The following TMIGD1 variants were observed in gnomAD, a reference collection of about 807,000 sequenced individuals.
TMIGD1 encodes the protein transmembrane and immunoglobulin domain containing 1, also known as transmembrane and immunoglobulin domain-containing protein 1.
TMIGD1 carries 29 observed loss-of-function variants against 27.5 expected under a neutral mutation model. That is an observed-to-expected ratio of 1.05 (90% CI 0.78 to 1.44). The LOEUF is 1.44. Ranked by LOEUF, TMIGD1 falls within the 40% of genes most tolerant of loss-of-function variation. TMIGD1 has a pLI of 0.00. For synonymous variants in TMIGD1, 109 were observed against 110.3 expected, an observed-to-expected ratio of 0.99 and a Z score of 0.07; for missense variants, 334 against 310.6, an observed-to-expected ratio of 1.08 and a Z score of -0.57.
At chr17:30,324,346 C>G (rs1909707289) in intron 4 of TMIGD1, among the ~76,000 whole-genome samples, 1 of 152,136 alleles carries the variant, frequency 6.6e-6, no homozygotes, top group African/African-American at 2.4e-5. Context: ...TTTTTGTCCC[C>G]TTATTTTTTC....
At chr17:30,318,772 A>G in intron 5 of TMIGD1, 38 bp downstream of exon 5, 2 of 1,480,550 alleles carry the variant, frequency 1.4e-6, no homozygotes, top group Non-Finnish European at 1.9e-6. Context: ...TATTCAGATG[A>G]TGGCTTTTTA....
chr17:30,324,815 C>A lies in TMIGD1; in HGVS notation c.640+1G>T, dbSNP rs1245154876. 6.2e-7 allele frequency: 1 copy of A among 1,613,660 alleles called. No homozygotes were observed. Reference sequence around the variant, plus strand: ...TGGGTATTACTTAAAAAGAGCATTACCTTTAACAATCAGGTGAAAGTCCAA... The same window carrying A: ...TGGGTATTACTTAAAAAGAGCATTAACTTTAACAATCAGGTGAAAGTCCAA... On this transcript the variant is annotated splice_donor_variant, in intron 4 of 6. Coordinates refer to ENST00000328886, the MANE Select transcript of TMIGD1 (RefSeq NM_206832.3). LOFTEE classifies it high-confidence loss of function.
At chr17:30,331,984 A>G (rs1171375410) in intron 2 of TMIGD1, 68 bp downstream of exon 2, 2 of 1,035,116 alleles carry the variant, frequency 1.9e-6, no homozygotes, top group Non-Finnish European at 3.0e-6. Context: ...TCCAATGCCC[A>G]TTGATCACTT....
chr17:30,325,808 T>C (rs1383194121), intron 3 of TMIGD1, among the ~76,000 whole-genome samples: 2 of 152,194 alleles, frequency 1.3e-5, no homozygotes, highest in Admixed American at 1.3e-4. Context: ...CCAGAAGGTG[T>C]TCTAAGCATG....
intron 2 of TMIGD1, 105 bp from the exon 3 acceptor site, chr17:30,329,634 T>C: frequency 1.2e-6 from 1 of 849,970 alleles, no homozygotes; most frequent in Non-Finnish European, 1.8e-6. Flanking sequence ...TAGAACAAAA[T>C]AAACTCTCAA....
chr17:30,317,915 GA>G (rs1442731557), intron 5 of TMIGD1, among the ~76,000 whole-genome samples: 1 of 151,612 alleles, frequency 6.6e-6, no homozygotes, highest in Non-Finnish European at 1.5e-5. Flanking sequence ...AAAAAATACA[GA>G]AATTAGCCGG....
chr17:30,332,737 T>C (rs975394659), intron 1 of TMIGD1, among the ~76,000 whole-genome samples: 1 of 152,104 alleles, frequency 6.6e-6, no homozygotes, highest in Non-Finnish European at 1.5e-5. Flanking sequence ...TAATAAATAA[T>C]AAAGGTGTCC....
chr17:30,317,073 C>T, intron 6 of TMIGD1, 120 bp downstream of exon 6: 1 of 1,198,756 alleles, frequency 8.3e-7, no homozygotes, highest in Non-Finnish European at 1.2e-6. Context: ...ACCTTCTATT[C>T]TCCTTTGAAC....
intron 1 of TMIGD1, among the ~76,000 whole-genome samples, chr17:30,332,492 G>A (rs975561787): frequency 2.0e-5 from 3 of 152,202 alleles, no homozygotes; most frequent in African/African-American, 7.2e-5. Flanking sequence ...CTCATTCTCA[G>A]ACAGTCCCTA....
intron 6 of TMIGD1, 127 bp downstream of exon 6, chr17:30,317,066 T>C (rs1909437689): frequency 1.7e-6 from 2 of 1,151,924 alleles, no homozygotes; most frequent in Non-Finnish European, 2.6e-6. Flanking sequence ...TTCCTCCACC[T>C]TCTATTCTCC....
intron 3 of TMIGD1, among the ~76,000 whole-genome samples, chr17:30,328,230 T>C (rs1490582007): frequency 6.6e-6 from 1 of 152,062 alleles, no homozygotes; most frequent in Non-Finnish European, 1.5e-5. Flanking sequence ...AGGCCAGGTT[T>C]CACCATTGTT....
At chr17:30,321,047 A>T (rs563969965) in intron 4 of TMIGD1, among the ~76,000 whole-genome samples, 1 of 152,174 alleles carries the variant, frequency 6.6e-6, no homozygotes, top group East Asian at 1.9e-4. Context: ...AGGTAGAGAC[A>T]GTGTTTCGCC....
chr17:30,331,568 A>T, intron 2 of TMIGD1, among the ~76,000 whole-genome samples: 1 of 151,298 alleles, frequency 6.6e-6, no homozygotes, highest in African/African-American at 2.4e-5. Flanking sequence ...CCTAAAAACA[A>T]TATTTTTCCA....
intron 3 of TMIGD1, among the ~76,000 whole-genome samples, chr17:30,326,198 G>A (rs898952987): frequency 2.0e-5 from 3 of 152,202 alleles, no homozygotes; most frequent in Non-Finnish European, 4.4e-5. Context: ...TGCTGGAATA[G>A]AGAACATAAT....
chr17:30,325,121 A>G, intron 3 of TMIGD1, 27 bp from the exon 4 acceptor site: 7 of 1,588,116 alleles, frequency 4.4e-6, no homozygotes, highest in African/African-American at 2.7e-5. Flanking sequence ...TTTAGATTTA[A>G]TTAGCAGATA....
At position 30,324,848 on chromosome 17, in the gene TMIGD1, G is replaced by A. The variant is rs1055711256; in HGVS notation, c.608C>T (p.Thr203Met). 1.5e-5 allele frequency: 24 copies of A among 1,614,006 alleles called. No individual in the cohort carries two copies. The highest frequency in any genetic ancestry group is 6.7e-5 in the African/African-American group (5 of 74,948). The part of the protein sequence containing the change: ...YSCIAKSSLK[T>M]ESLDFHLIVK... ...AATCAGGTGAAAGTCCAAGCTCTCC[G>A]TTTTCAGAGATGACTTTGCAATACA... The change falls in exon 4 of 7, where the codon ACG becomes ATG. Residue 203 changes from threonine (T) to methionine (M), a missense_variant. Coordinates refer to ENST00000328886, the MANE Select transcript of TMIGD1 (RefSeq NM_206832.3).
chr17:30,319,259 A>ATATATATATATAT (rs1389850047), intron 4 of TMIGD1, among the ~76,000 whole-genome samples: 1 of 52,288 alleles, frequency 1.9e-5, no homozygotes, highest in African/African-American at 1.9e-4. Context: ...GAAAAAAAAA[A>ATATATATATATAT]AAATATATAT....
intron 1 of TMIGD1, among the ~76,000 whole-genome samples, chr17:30,333,467 A>C (rs1199878914): frequency 1.3e-5 from 2 of 151,838 alleles, no homozygotes; most frequent in Admixed American, 6.6e-5. Context: ...AAATAAAAAA[A>C]TAAAAAAAAG....
At chr17:30,318,318 T>C (rs1909487239) in intron 5 of TMIGD1, among the ~76,000 whole-genome samples, 1 of 152,164 alleles carries the variant, frequency 6.6e-6, no homozygotes, top group Admixed American at 6.5e-5. Flanking sequence ...GGCATTAACC[T>C]AAGCATGCAC....
Sources: allele counts gnomAD v4.1 joint callset (sites outside exome capture counted in the v4.1 genomes callset), GRCh38; gene constraint gnomAD v4.1.1; transcripts MANE v1.5; gene names NCBI Gene and HGNC (gene_info 2026-07-23, HGNC 2026-07-21).